The following CCDC148 variants were observed in gnomAD, a reference collection of about 807,000 sequenced individuals.
The protein encoded by CCDC148 is coiled-coil domain containing 148.
Under a neutral mutation model 85.7 loss-of-function variants are expected in CCDC148, and 89 were observed. The ratio of observed to expected loss-of-function variants is 1.04; its 90% CI spans 0.87 to 1.24. The LOEUF (loss-of-function observed/expected upper bound fraction) is 1.24, where lower values mean the gene tolerates loss of function less well. Among genes scored for constraint, CCDC148 ranks in the 50% most tolerant of loss-of-function variants. CCDC148 has a pLI of 0.00. For synonymous variants in CCDC148, 230 were observed against 213.9 expected, an observed-to-expected ratio of 1.08 and a Z score of -0.66; for missense variants, 692 against 671.7, an observed-to-expected ratio of 1.03 and a Z score of -0.33.
chr2:158,380,327 C>T (rs1684818940), intron 1 of CCDC148, among the ~76,000 whole-genome samples: 1 of 152,026 alleles, frequency 6.6e-6, no homozygotes, highest in Admixed American at 6.6e-5. Flanking sequence ...GAAAGCATTA[C>T]AGTAGACCAA....
At chr2:158,369,120 C>T (rs138195615) in intron 1 of CCDC148, among the ~76,000 whole-genome samples, 2 of 151,774 alleles carry the variant, frequency 1.3e-5, no homozygotes, top group Admixed American at 6.6e-5. Context: ...AAAACAATAC[C>T]AATATGTAGA....
chr2:158,380,013 C>A (rs1043625447), intron 1 of CCDC148, among the ~76,000 whole-genome samples: 10 of 152,034 alleles, frequency 6.6e-5, no homozygotes, highest in African/African-American at 2.2e-4. Context: ...GTCTTGAACT[C>A]CTTGGCTCAA....
chr2:158,370,090 A>G (rs995452002), intron 1 of CCDC148, among the ~76,000 whole-genome samples: 2 of 152,068 alleles, frequency 1.3e-5, no homozygotes, highest in Non-Finnish European at 1.5e-5. Context: ...GGATTTTTAC[A>G]TCAATATTCA....
intron 1 of CCDC148, chr2:158,425,109 C>A: frequency 2.1e-6 from 1 of 478,328 alleles, no homozygotes. Context: ...CTACTATGAT[C>A]GCGGATATGG....
intron 10 of CCDC148, among the ~76,000 whole-genome samples, chr2:158,234,221 A>T (rs1687992565): frequency 6.6e-6 from 1 of 152,124 alleles, no homozygotes. Context: ...CAGGGCATTT[A>T]TTATGCAAAG....
chr2:158,297,674 C>T (rs935512554), intron 9 of CCDC148, among the ~76,000 whole-genome samples: 1 of 152,132 alleles, frequency 6.6e-6, no homozygotes, highest in Non-Finnish European at 1.5e-5. Flanking sequence ...TTAGAAAGCT[C>T]ATAAAATCTG....
At chr2:158,277,985 T>G (rs1042227407) in intron 9 of CCDC148, among the ~76,000 whole-genome samples, 1 of 152,208 alleles carries the variant, frequency 6.6e-6, no homozygotes, top group Admixed American at 6.5e-5. Context: ...TCAATTTGAC[T>G]AGCACCTGTG....
At chr2:158,279,342 A>T (rs1690139471) in intron 9 of CCDC148, among the ~76,000 whole-genome samples, 1 of 152,210 alleles carries the variant, frequency 6.6e-6, no homozygotes, top group African/African-American at 2.4e-5. Context: ...TACAGGAGGA[A>T]ATTCAAACCA....
intron 9 of CCDC148, among the ~76,000 whole-genome samples, chr2:158,278,459 G>A (rs1240664353): frequency 3.9e-5 from 6 of 152,166 alleles, no homozygotes; most frequent in Admixed American, 1.3e-4. Flanking sequence ...AAAAAATGGC[G>A]CACCAGGAGA....
At chr2:158,419,589 T>G (rs1184906715) in intron 1 of CCDC148, among the ~76,000 whole-genome samples, 2 of 152,194 alleles carry the variant, frequency 1.3e-5, no homozygotes, top group African/African-American at 4.8e-5. Flanking sequence ...AATGTTTGTA[T>G]GCTTGTTTTG....
intron 11 of CCDC148, among the ~76,000 whole-genome samples, chr2:158,211,040 T>C (rs1574409412): frequency 6.9e-6 from 1 of 144,486 alleles, no homozygotes; most frequent in African/African-American, 2.6e-5. Flanking sequence ...TACTTGGGGG[T>C]TGGGGGCTAG....
chr2:158,339,415 C>A (rs985823999), intron 5 of CCDC148, among the ~76,000 whole-genome samples: 5 of 152,136 alleles, frequency 3.3e-5, no homozygotes, highest in East Asian at 1.9e-4. Context: ...ATTCTTGCCT[C>A]TAATCCCCAC....
At chr2:158,274,037 A>G in intron 9 of CCDC148, among the ~76,000 whole-genome samples, 1 of 152,188 alleles carries the variant, frequency 6.6e-6, no homozygotes, top group East Asian at 1.9e-4. Context: ...TTACTCCAAC[A>G]TATAGATGAC....
intron 9 of CCDC148, among the ~76,000 whole-genome samples, chr2:158,258,567 C>T (rs1689097746): frequency 6.6e-6 from 1 of 151,804 alleles, no homozygotes; most frequent in African/African-American, 2.4e-5. Flanking sequence ...GCTATGCAAA[C>T]ACCAACCATT....
chr2:158,330,903 C>T (rs951181958), intron 7 of CCDC148, among the ~76,000 whole-genome samples: 2 of 151,920 alleles, frequency 1.3e-5, no homozygotes, highest in Non-Finnish European at 2.9e-5. Flanking sequence ...CCTCTCTTTT[C>T]TTCTTTATTA....
rs997569906 is a variant in CCDC148 at position 158,217,386 on chromosome 2, A to G, written c.1370+3209T>C. Among the ~76,000 whole-genome samples, 13 of 91,684 alleles carry G rather than the reference A, an allele frequency of 1.4e-4. 1 individual carries two copies. Among genetic ancestry groups the G allele is most frequent in the African/African-American group, 4.3e-4 (12 of 28,062 alleles). 60.1% of individuals were successfully genotyped at this position (91,684 alleles called of 152,430 possible). On this transcript the variant is annotated intron_variant, in intron 11 of 13. Coordinates refer to ENST00000283233, the MANE Select transcript of CCDC148 (RefSeq NM_138803.4). ...TTTGTGTGTGTGTGTATATATATAT[A>G]TATATATACACACACACATACATTT... is the stretch of plus-strand genomic sequence containing the variant.
chr2:158,182,048 A>G (rs542736042), intron 11 of CCDC148, among the ~76,000 whole-genome samples: 1 of 151,958 alleles, frequency 6.6e-6, no homozygotes, highest in Non-Finnish European at 1.5e-5. Context: ...AGGGAAAGAG[A>G]TAGAGGAAAT....
intron 11 of CCDC148, among the ~76,000 whole-genome samples, chr2:158,195,103 C>G (rs968051112): frequency 6.6e-6 from 1 of 152,044 alleles, no homozygotes; most frequent in Middle Eastern, 3.4e-3. Context: ...ACATATGGAC[C>G]TACATTGGAG....
chr2:158,231,503 A>G (rs1687854762), intron 10 of CCDC148, among the ~76,000 whole-genome samples: 1 of 152,094 alleles, frequency 6.6e-6, no homozygotes, highest in Admixed American at 6.6e-5. Context: ...ACATGCCTGG[A>G]AAGTTCTGCC....
Sources: allele counts gnomAD v4.1 joint callset (sites outside exome capture counted in the v4.1 genomes callset), GRCh38; gene constraint gnomAD v4.1.1; transcripts MANE v1.5; gene names NCBI Gene and HGNC (gene_info 2026-07-23, HGNC 2026-07-21).